The following MEI4 variants were observed in gnomAD, a reference collection of about 807,000 sequenced individuals.
The protein encoded by MEI4 is meiosis-specific protein MEI4.
A neutral mutation model predicts 31.4 loss-of-function variants in MEI4; 27 were observed. The observed-to-expected ratio is 0.86, with a 90% CI of 0.63 to 1.19. MEI4 has a LOEUF of 1.19. MEI4 is among the 50% of genes most tolerant of loss of function. The pLI, the probability that MEI4 is intolerant of heterozygous loss-of-function variation, is 0.00. For missense variants in MEI4, 329 were observed against 398.9 expected (o/e 0.82, Z 1.49); for synonymous variants, 122 against 145.4 (o/e 0.84, Z 1.16).
At chr6:77,751,992 C>G in intron 2 of MEI4, among the ~76,000 whole-genome samples, 1 of 152,154 alleles carries the variant, frequency 6.6e-6, no homozygotes. Flanking sequence ...CATAATCCAT[C>G]ACATAAACAG....
chr6:77,806,069 G>A (rs1017878686), intron 3 of MEI4, among the ~76,000 whole-genome samples: 2 of 152,070 alleles, frequency 1.3e-5, no homozygotes, highest in East Asian at 1.9e-4. Context: ...TGAGGAAAAT[G>A]TATGTCCAAA....
chr6:77,736,323 G>T (rs1005706861), intron 2 of MEI4, among the ~76,000 whole-genome samples: 15 of 152,056 alleles, frequency 9.9e-5, no homozygotes, highest in African/African-American at 3.6e-4. Context: ...CCATGTGCGG[G>T]ATATAATCTC....
At chr6:77,784,395 T>C (rs560993480) in intron 3 of MEI4, among the ~76,000 whole-genome samples, 1 of 152,294 alleles carries the variant, frequency 6.6e-6, no homozygotes, top group East Asian at 1.9e-4. Context: ...AGGCATCACA[T>C]GCTAGCTGTT....
chr6:77,872,266 G>T (rs1283295572), intron 4 of MEI4, among the ~76,000 whole-genome samples: 2 of 152,052 alleles, frequency 1.3e-5, no homozygotes, highest in African/African-American at 2.4e-5. Context: ...CTTTTCTCAT[G>T]TTCACTCCTG....
intron 1 of MEI4, 147 bp from the exon 2 acceptor site, chr6:77,690,510 GT>G (rs1473175462): frequency 2.5e-6 from 1 of 397,738 alleles, no homozygotes; most frequent in Non-Finnish European, 4.4e-6. Context: ...ACTGTTTTCA[GT>G]CCCTGATTTT....
At chr6:77,732,289 C>T (rs1291338338) in intron 2 of MEI4, among the ~76,000 whole-genome samples, 2 of 151,970 alleles carry the variant, frequency 1.3e-5, no homozygotes, top group Admixed American at 6.5e-5. Flanking sequence ...TTGTTTTTAT[C>T]CTCTTTTATT....
chr6:77,902,935 G>A (rs946566686), intron 4 of MEI4, among the ~76,000 whole-genome samples: 2 of 152,026 alleles, frequency 1.3e-5, no homozygotes, highest in African/African-American at 2.4e-5. Context: ...GCTGTGTCAC[G>A]GATGCATGTG....
chr6:77,771,363 T>C (rs1768313279), intron 3 of MEI4, among the ~76,000 whole-genome samples: 1 of 151,992 alleles, frequency 6.6e-6, no homozygotes, highest in Non-Finnish European at 1.5e-5. Context: ...ATTCAGCCAT[T>C]GTGGAAAGTA....
intron 3 of MEI4, among the ~76,000 whole-genome samples, chr6:77,792,717 A>ATT (rs1202853502): frequency 7.1e-6 from 1 of 140,572 alleles, no homozygotes; most frequent in Non-Finnish European, 1.6e-5. Context: ...TCCCAACACT[A>ATT]TTTTTTTTTT....
chr6:77,660,855 G>A (rs1245253865), intron 1 of MEI4, among the ~76,000 whole-genome samples: 2 of 152,048 alleles, frequency 1.3e-5, no homozygotes, highest in African/African-American at 2.4e-5. Context: ...ACTAAGTAGG[G>A]TCCGGTCCAT....
chr6:77,789,142 T>C (rs560826728), intron 3 of MEI4, among the ~76,000 whole-genome samples: 36 of 152,024 alleles, frequency 2.4e-4, no homozygotes, highest in Middle Eastern at 3.4e-3. Context: ...CTGACAAAAA[T>C]GAGCAATGGG....
chr6:77,744,150 T>C (rs1767510152), intron 2 of MEI4, among the ~76,000 whole-genome samples: 1 of 152,072 alleles, frequency 6.6e-6, no homozygotes, highest in African/African-American at 2.4e-5. Flanking sequence ...AGAAGAAGGC[T>C]TCAGACGATC....
chr6:77,803,780 A>G (rs1048158528), intron 3 of MEI4, among the ~76,000 whole-genome samples: 27 of 152,148 alleles, frequency 1.8e-4, no homozygotes, highest in Admixed American at 1.5e-3. Context: ...GAGTCTGCAG[A>G]ACAGCGGATA....
At chr6:77,798,899 A>G (rs1379468324) in intron 3 of MEI4, among the ~76,000 whole-genome samples, 1 of 151,630 alleles carries the variant, frequency 6.6e-6, no homozygotes, top group Admixed American at 6.6e-5. Flanking sequence ...TCATTGTTGG[A>G]CATTTGGCTT....
chr6:77,777,844 A>G (rs1045720740), intron 3 of MEI4, among the ~76,000 whole-genome samples: 3 of 152,154 alleles, frequency 2.0e-5, no homozygotes, highest in African/African-American at 7.2e-5. Context: ...CAACCAGGAA[A>G]AAAAGAAAAT....
At chr6:77,765,372 A>T (rs1404956488) in intron 3 of MEI4, among the ~76,000 whole-genome samples, 1 of 151,742 alleles carries the variant, frequency 6.6e-6, no homozygotes. Context: ...TATTTCATAT[A>T]CCCTCATAAA....
At chr6:77,726,750 T>G (rs1766832876) in intron 2 of MEI4, among the ~76,000 whole-genome samples, 1 of 151,998 alleles carries the variant, frequency 6.6e-6, no homozygotes, top group Non-Finnish European at 1.5e-5. Context: ...ATTCTAAGCA[T>G]GATGAGAAGA....
intron 3 of MEI4, among the ~76,000 whole-genome samples, chr6:77,795,437 T>C (rs895012957): frequency 6.6e-6 from 1 of 152,048 alleles, no homozygotes; most frequent in African/African-American, 2.4e-5. Context: ...ACCCTTGACC[T>C]AGCTTAAATC....
chr6:77,864,321 G>A (rs1770957076), intron 4 of MEI4, among the ~76,000 whole-genome samples: 1 of 152,132 alleles, frequency 6.6e-6, no homozygotes, highest in Non-Finnish European at 1.5e-5. Context: ...TCAGTGTGCT[G>A]TATTCAGGAA....
Sources: gnomAD v4.1 joint callset for allele counts (sites outside exome capture counted in the v4.1 genomes callset) on GRCh38, gnomAD v4.1.1 for gene constraint, MANE v1.5 for transcripts, NCBI Gene and HGNC (gene_info 2026-07-23, HGNC 2026-07-21) for gene names.